The following PRKN variants were observed in gnomAD, a reference collection of about 807,000 sequenced individuals.
The protein encoded by PRKN is E3 ubiquitin-protein ligase parkin.
PRKN carries 56 observed loss-of-function variants against 59.5 expected under a neutral mutation model. The ratio of observed to expected loss-of-function variants is 0.94; its 90% CI spans 0.76 to 1.18. PRKN has a LOEUF of 1.18. Among genes scored for constraint, PRKN ranks in the 50% most tolerant of loss-of-function variants. The pLI, the probability that PRKN is intolerant of heterozygous loss-of-function variation, is 0.00. For missense variants in PRKN, 657 were observed against 596.4 expected (o/e 1.10, Z -1.06); for synonymous variants, 250 against 222.1 (o/e 1.13, Z -1.12).
intron 9 of PRKN, among the ~76,000 whole-genome samples, chr6:161,452,826 G>C (rs1789796023): frequency 6.6e-6 from 1 of 151,944 alleles, no homozygotes; most frequent in East Asian, 1.9e-4. Flanking sequence ...CAGGCGAGGG[G>C]CAGGGAGCCC....
chr6:161,714,864 A>AT (rs1194736555), intron 7 of PRKN, among the ~76,000 whole-genome samples: 1 of 152,140 alleles, frequency 6.6e-6, no homozygotes, highest in East Asian at 1.9e-4. Flanking sequence ...ACAAAGACAC[A>AT]TATCAGTGTT....
At chr6:162,126,261 T>C (rs1021980865) in intron 4 of PRKN, among the ~76,000 whole-genome samples, 2 of 152,200 alleles carry the variant, frequency 1.3e-5, no homozygotes, top group Non-Finnish European at 2.9e-5. Context: ...CACAGAGTTC[T>C]GCATGTGGAC....
intron 4 of PRKN, among the ~76,000 whole-genome samples, chr6:162,173,464 C>A (rs1006382944): frequency 1.3e-5 from 2 of 151,784 alleles, no homozygotes; most frequent in Non-Finnish European, 2.9e-5. Context: ...TTGGTGTTGA[C>A]CTTTGACACT....
intron 2 of PRKN, among the ~76,000 whole-genome samples, chr6:162,365,575 A>G (rs940915942): frequency 6.6e-6 from 1 of 151,594 alleles, no homozygotes; most frequent in African/African-American, 2.4e-5. Flanking sequence ...CCTTTCTTCC[A>G]TGCCTGGGCT....
At chr6:162,544,597 C>G (rs562805849) in intron 1 of PRKN, among the ~76,000 whole-genome samples, 6 of 151,596 alleles carry the variant, frequency 4.0e-5, no homozygotes, top group Admixed American at 2.6e-4. Context: ...TATCTTCTCA[C>G]TTTAAATGTA....
chr6:162,038,868 T>C (rs1783948042), intron 5 of PRKN, among the ~76,000 whole-genome samples: 1 of 152,094 alleles, frequency 6.6e-6, no homozygotes, highest in Non-Finnish European at 1.5e-5. Flanking sequence ...TTGAAAGTCC[T>C]TGCTGGCCGG....
intron 5 of PRKN, among the ~76,000 whole-genome samples, chr6:161,975,948 T>C (rs183165146): frequency 1.3e-4 from 20 of 152,208 alleles, no homozygotes; most frequent in Non-Finnish European, 1.9e-4. Context: ...CTCTATCGCC[T>C]AGGCTGGAAT....
At chr6:161,569,298 C>T in intron 8 of PRKN, 57 bp downstream of exon 8, 3 of 1,521,576 alleles carry the variant, frequency 2.0e-6, no homozygotes, top group Non-Finnish European at 2.7e-6. Context: ...CCCAAACTGT[C>T]TCATTAGCGT....
chr6:161,415,592 GCCCCCCCCCCCC>G (rs76950988), intron 9 of PRKN, among the ~76,000 whole-genome samples: 1 of 36,212 alleles, frequency 2.8e-5, no homozygotes, highest in African/African-American at 1.1e-4. Context: ...AGGAAATGTC[GCCCCCCCCCCCC>G]CCCGACCCCC....
At chr6:162,030,980 C>T (rs1783614779) in intron 5 of PRKN, among the ~76,000 whole-genome samples, 1 of 152,094 alleles carries the variant, frequency 6.6e-6, no homozygotes, top group South Asian at 2.1e-4. Flanking sequence ...AATGAGAGAA[C>T]AAAGAAATTA....
In PRKN at chr6:161,457,611, C is replaced by G. The variant is rs1790030213; in HGVS notation, c.1084-70734G>C. Among the ~76,000 whole-genome samples the G allele has an allele frequency of 6.6e-6, 1 of 152,122 alleles. No individual in the cohort carries two copies. Among genetic ancestry groups the G allele is most frequent in the African/African-American group, 2.4e-5 (1 of 41,430 alleles). On this transcript the variant is annotated intron_variant, in intron 9 of 11. Transcript: ENST00000366898. This position sits in a 1 kb window ranked among gnomAD's most constrained non-coding sequence, Gnocchi z 5.0. ...GGATGCATGAATGAATTAATGAATG[C>G]TCTGTGATCTGAGGGCTGAAGATAC...
intron 7 of PRKN, among the ~76,000 whole-genome samples, chr6:161,761,058 T>G (rs772193340): frequency 9.9e-5 from 15 of 152,200 alleles, no homozygotes; most frequent in Non-Finnish European, 1.5e-4. Context: ...CAGAGAAATT[T>G]TATGGTTTAA....
intron 9 of PRKN, among the ~76,000 whole-genome samples, chr6:161,452,841 C>T (rs2115130257): frequency 6.6e-6 from 1 of 151,802 alleles, no homozygotes; most frequent in South Asian, 2.1e-4. Flanking sequence ...GAGCCCTTGA[C>T]TTTAAATCCA....
chr6:162,214,383 T>C (rs1777545246), intron 3 of PRKN, among the ~76,000 whole-genome samples: 1 of 152,152 alleles, frequency 6.6e-6, no homozygotes, highest in East Asian at 1.9e-4. Context: ...TTCTTCAGGG[T>C]TGGATGGTTC....
chr6:162,035,170 T>C (rs1382258280), intron 5 of PRKN, among the ~76,000 whole-genome samples: 1 of 151,326 alleles, frequency 6.6e-6, no homozygotes, highest in Non-Finnish European at 1.5e-5. Flanking sequence ...GAGAGATATA[T>C]ATATATATAG....
At chr6:161,875,932 C>T (rs1469909312) in intron 6 of PRKN, among the ~76,000 whole-genome samples, 1 of 152,076 alleles carries the variant, frequency 6.6e-6, no homozygotes, top group Non-Finnish European at 1.5e-5. Flanking sequence ...ATGACTTTGA[C>T]CTTCACTCAA....
At chr6:161,881,085 C>G (rs1351395598) in intron 6 of PRKN, among the ~76,000 whole-genome samples, 5 of 152,184 alleles carry the variant, frequency 3.3e-5, no homozygotes, top group Non-Finnish European at 7.3e-5. Context: ...AAAGGAGGGC[C>G]TCACCAATGC....
At chr6:161,679,497 C>T (rs1034721602) in intron 7 of PRKN, among the ~76,000 whole-genome samples, 7 of 151,970 alleles carry the variant, frequency 4.6e-5, no homozygotes, top group African/African-American at 1.4e-4. Context: ...CTCCCTCCAC[C>T]ACAGCCTCGG....
chr6:161,558,231 C>T (rs1304789513), intron 8 of PRKN, among the ~76,000 whole-genome samples: 4 of 152,120 alleles, frequency 2.6e-5, no homozygotes, highest in Non-Finnish European at 5.9e-5. Context: ...ACGCTTTCCA[C>T]AATACCCAGC....
Sources: allele counts gnomAD v4.1 joint callset (sites outside exome capture counted in the v4.1 genomes callset), GRCh38; gene constraint gnomAD v4.1.1; non-coding constraint Gnocchi (gnomAD v3.1); transcripts MANE v1.5; gene names NCBI Gene and HGNC (gene_info 2026-07-23, HGNC 2026-07-21).